Variants in ANXA7 observed in about 807,000 individuals in gnomAD.
The protein encoded by ANXA7 is annexin VII.
Under a neutral mutation model 64.9 loss-of-function variants are expected in ANXA7, and 55 were observed. That is an observed-to-expected ratio of 0.85 (90% confidence interval 0.68 to 1.06). The LOEUF (loss-of-function observed/expected upper bound fraction) is 1.06, where lower values mean the gene tolerates loss of function less well. Among genes scored for constraint, ANXA7 ranks in the 50% least tolerant of loss-of-function variants. The pLI, the probability that ANXA7 is intolerant of heterozygous loss-of-function variation, is 0.00. For synonymous variants in ANXA7, 200 were observed against 192.4 expected, an observed-to-expected ratio of 1.04 and a Z score of -0.33; for missense variants, 548 against 582.1, an observed-to-expected ratio of 0.94 and a Z score of 0.60.
intron 12 of ANXA7, among the ~76,000 whole-genome samples, chr10:73,378,141 G>A (rs886875365): frequency 8.6e-5 from 13 of 151,756 alleles, no homozygotes; most frequent in East Asian, 5.9e-4. Flanking sequence ...TTGGGAGGCC[G>A]AGGCAGGTGG....
chr10:73,380,200 C>T lies in ANXA7; in HGVS notation c.920G>A (p.Gly307Glu), dbSNP rs2132652414. The T allele has an allele frequency of 6.2e-7, 1 of 1,600,064 alleles. No individual in the cohort carries two copies. The highest frequency in any genetic ancestry group is 1.1e-5 in the South Asian group (1 of 87,262). Reference protein sequence around the residue: ...FERLLVSMCQGNRDENQSINH... With the variant: ...FERLLVSMCQENRDENQSINH... ...TATACTCTGGTTCTCATCACGATTT[C>T]CCTGCAAAAGAGAAAGGCAGGAATT... Residue 307 changes from glycine to glutamate, a missense_variant and splice_region_variant, in exon 10 of 13, where the codon GGA becomes GAA. Coordinates refer to ENST00000372921, the MANE Select transcript of ANXA7 (RefSeq NM_001156.5).
Position 73,404,708 on chromosome 10 carries a change from C to CTATA in ANXA7, c.-1-3855_-1-3852dup, listed in dbSNP as rs59482006. Among the ~76,000 whole-genome samples the CTATA allele has an allele frequency of 5.3e-3, 767 of 143,868 alleles. 6 individuals carry two copies. The highest frequency in any genetic ancestry group is 0.016 in the African/African-American group (642 of 40,254). 94.4% of individuals were successfully genotyped at this position (143,868 alleles called of 152,430 possible). On this transcript the variant is annotated intron_variant, in intron 1 of 12. Coordinates refer to ENST00000372921, the MANE Select transcript of ANXA7 (RefSeq NM_001156.5). Reference sequence around the variant, plus strand: ...CTAGTGTGGATAAAGACAAATATCCCTATATATATATATATATATATCTTT... The same window carrying CTATA: ...CTAGTGTGGATAAAGACAAATATCCCTATATATATATATATATATATATATCTTT...
In ANXA7 at chr10:73,383,702, C is replaced by A; in HGVS notation, c.634-12G>T. 1 of 1,507,426 alleles carries A rather than the reference C, an allele frequency of 6.6e-7. No individual in the cohort carries two copies. Among genetic ancestry groups the A allele is most frequent in the Non-Finnish European group, 9.2e-7 (1 of 1,084,944 alleles). 93.4% of individuals were successfully genotyped at this position (1,507,426 alleles called of 1,614,324 possible). A position where few individuals can be genotyped will look rare whatever the true frequency, so the allele number is the denominator to read the frequency against. ...TCTTTGATTAAATCCTATTTAATCA[C>A]AAATACAAGCTAAGTATATGTGTTC... On this transcript the variant is annotated splice_polypyrimidine_tract_variant and intron_variant, in intron 7 of 12. Transcript: ENST00000372921.
At position 73,386,881 on chromosome 10, in the gene ANXA7, C is replaced by T. The variant is rs541620675; in HGVS notation, c.633+808G>A. 1.7e-3 allele frequency among the ~76,000 whole-genome samples: 253 copies of T among 152,188 alleles called. 1 individual carries two copies. Among genetic ancestry groups the T allele is most frequent in the African/African-American group, 5.9e-3 (244 of 41,528 alleles). The stretch of plus-strand genomic sequence containing the variant: ...TTGGAAATGAAGTCTCCCTATGTTG[C>T]CCAGGCTGGTCCTGAACTCCTGGCC... On this transcript the variant is annotated intron_variant, in intron 7 of 12. Transcript: ENST00000372921.
At chr10:73,395,975 A>T in intron 5 of ANXA7, 1 of 962,032 alleles carries the variant, frequency 1.0e-6, no homozygotes. Context: ...AGACAAGTAC[A>T]TGAGAATCAG....
chr10:73,396,214 T>C (rs2055572843), intron 5 of ANXA7: 4 of 742,318 alleles, frequency 5.4e-6, no homozygotes, highest in South Asian at 5.0e-5. Flanking sequence ...AATTCATAGG[T>C]GTAACTGCTG....
chr10:73,409,171 G>A lies in ANXA7; in HGVS notation c.-2+4841C>T, dbSNP rs187610541. On this transcript the variant is annotated intron_variant, in intron 1 of 12. Coordinates refer to ENST00000372921, the MANE Select transcript of ANXA7 (RefSeq NM_001156.5). ...TAGTTCTGGAAGTATTAGCCAGAGG[G>A]AAAGTAGGGGAAAGCAATAAAGTGT... Among the ~76,000 whole-genome samples, 6 of 152,248 alleles carry A rather than the reference G, an allele frequency of 3.9e-5. No homozygotes were observed. In the East Asian group the frequency reaches 5.8e-4, roughly 15 times the overall value.
chr10:73,411,540 A>G (rs1374816498), intron 1 of ANXA7, among the ~76,000 whole-genome samples: 1 of 152,128 alleles, frequency 6.6e-6, no homozygotes, highest in Non-Finnish European at 1.5e-5. Flanking sequence ...TCCCAGGTTC[A>G]AGCGATTCTC....
chr10:73,393,500 C>A (rs1174710207), intron 5 of ANXA7, among the ~76,000 whole-genome samples: 2 of 152,080 alleles, frequency 1.3e-5, no homozygotes, highest in Non-Finnish European at 2.9e-5. Flanking sequence ...GGTACTGGTA[C>A]CAAAACAGAG....
intron 1 of ANXA7, among the ~76,000 whole-genome samples, chr10:73,404,070 C>A (rs2055715014): frequency 6.6e-6 from 1 of 152,072 alleles, no homozygotes; most frequent in Admixed American, 6.6e-5. Flanking sequence ...TGAAGTTTGG[C>A]TTTTATTAAT....
Position 73,380,157 on chromosome 10 carries a change from C to T in ANXA7, c.963G>A (p.Gln321=), listed in dbSNP as rs1204313473. The T allele has an allele frequency of 1.9e-6, 3 of 1,614,140 alleles. No individual in the cohort carries two copies. The highest frequency in any genetic ancestry group is 2.2e-5 in the South Asian group (2 of 91,074). ...ENQSINHQMA[Q]EDAQRLYQAG... is the part of the protein sequence containing the mutation. ...CTTGATAGAGACGCTGAGCATCTTCCTGAGCCATTTGGTGGTTTATACTCT... is the reference window on the plus strand; with the variant it reads ...CTTGATAGAGACGCTGAGCATCTTCTTGAGCCATTTGGTGGTTTATACTCT... Residue 321 remains glutamine, a synonymous_variant, in exon 10 of 13, where the codon CAG becomes CAA. Transcript: ENST00000372921.
At chr10:73,396,440 C>A in intron 5 of ANXA7, 79 bp downstream of exon 5, 2 of 1,037,768 alleles carry the variant, frequency 1.9e-6, no homozygotes, top group Non-Finnish European at 2.9e-6. Context: ...TTCCTCCGAC[C>A]CATGGAAACC....
At chr10:73,385,405 T>C (rs548066957) in intron 7 of ANXA7, among the ~76,000 whole-genome samples, 9 of 152,136 alleles carry the variant, frequency 5.9e-5, no homozygotes, top group Non-Finnish European at 1.0e-4. Context: ...ATGGTAACAA[T>C]GGAAATGAGA....
At chr10:73,390,725 T>TATATATATATA (rs1217514163) in intron 5 of ANXA7, among the ~76,000 whole-genome samples, 1 of 124,666 alleles carries the variant, frequency 8.0e-6, no homozygotes, top group African/African-American at 3.4e-5. Context: ...TATATAAAAA[T>TATATATATATA]ATATATATAC....
chr10:73,388,278 CTT>C, intron 6 of ANXA7, 32 bp downstream of exon 6: 1 of 1,508,162 alleles, frequency 6.6e-7, no homozygotes, highest in Non-Finnish European at 9.2e-7. Flanking sequence ...ATTACTTTAA[CTT>C]ATTAAAAAAG....
chr10:73,403,924 G>C (rs1470612302), intron 1 of ANXA7, among the ~76,000 whole-genome samples: 1 of 152,166 alleles, frequency 6.6e-6, no homozygotes, highest in Non-Finnish European at 1.5e-5. Flanking sequence ...GGATGTTGTT[G>C]TAAGAATTAA....
At chr10:73,383,115 G>A in intron 9 of ANXA7, 60 bp downstream of exon 9, 1 of 1,464,424 alleles carries the variant, frequency 6.8e-7, no homozygotes, top group Non-Finnish European at 9.2e-7. Context: ...ATGCTCACTG[G>A]CAAAAGGCTT....
rs1308583972 is a variant in ANXA7, at chr10:73,380,218, C to A, written c.919-17G>T. ...ACGATTTCCCTGCAAAAGAGAAAGG[C>A]AGGAATTGGAAGAAATAAATAATAG... On this transcript the variant is annotated splice_polypyrimidine_tract_variant and intron_variant, in intron 9 of 12. Coordinates refer to ENST00000372921, the MANE Select transcript of ANXA7 (RefSeq NM_001156.5). The A allele has an allele frequency of 6.3e-7, 1 of 1,592,758 alleles. No homozygotes were observed. The highest frequency in any genetic ancestry group is 1.9e-5 in the Admixed American group (1 of 53,638).
chr10:73,376,031 T>G lies in ANXA7; in HGVS notation c.*64A>C, dbSNP rs1023393953. The G allele has an allele frequency of 1.1e-5, 15 of 1,366,832 alleles. No homozygotes were observed. The highest frequency in any genetic ancestry group is 1.5e-5 in the Non-Finnish European group (15 of 1,025,594). The allele number at this position is 1,366,832 out of a possible 1,614,324, so 84.7% of individuals were successfully genotyped here. On this transcript the variant is annotated 3_prime_UTR_variant, in exon 13 of 13. Transcript: ENST00000372921. Reference sequence around the variant, plus strand: ...GATGTTTGATATTGCTGCATGCAGGTCATTGCTCTGAAGGATAAGCTATGA... The same window carrying G: ...GATGTTTGATATTGCTGCATGCAGGGCATTGCTCTGAAGGATAAGCTATGA...
Sources: allele counts gnomAD v4.1 joint callset (sites outside exome capture counted in the v4.1 genomes callset), GRCh38; gene constraint gnomAD v4.1.1; transcripts MANE v1.5; gene names NCBI Gene and HGNC (gene_info 2026-07-23, HGNC 2026-07-21).